TENM3: variants seen among roughly 807,000 people sequenced by gnomAD.
The protein encoded by TENM3 is teneurin-3.
TENM3 carries 63 observed loss-of-function variants against 255.1 expected under a neutral mutation model. The observed-to-expected ratio is 0.25, with a 90% confidence interval of 0.20 to 0.30. The LOEUF is 0.30. TENM3 is among the 10% of genes least tolerant of loss of function. The pLI, the probability that TENM3 is intolerant of heterozygous loss-of-function variation, is 1.00. For missense variants in TENM3, 2,929 were observed against 3,461.1 expected, an observed-to-expected ratio of 0.85 and a Z score of 3.86; for synonymous variants, 1,306 against 1,322.3, an observed-to-expected ratio of 0.99 and a Z score of 0.27.
At chr4:182,339,788 G>A (rs1516531) in intron 2 of TENM3, among the ~76,000 whole-genome samples, 1 of 152,074 alleles carries the variant, frequency 6.6e-6, no homozygotes, top group Non-Finnish European at 1.5e-5. Flanking sequence ...ACTGCAGTTC[G>A]ACTATCAGAT....
At chr4:181,603,453 A>C in the TENM3 span, among the ~76,000 whole-genome samples, 1 of 152,212 alleles carries the variant, frequency 6.6e-6, no homozygotes, top group African/African-American at 2.4e-5. Flanking sequence ...ATCAACAGTC[A>C]CATAAAAGAA....
At chr4:181,550,338 A>G in the TENM3 span, among the ~76,000 whole-genome samples, 1 of 152,364 alleles carries the variant, frequency 6.6e-6, no homozygotes, top group South Asian at 2.1e-4. Context: ...ACCTACCTAC[A>G]GCAAACAAGC....
intron 5 of TENM3, among the ~76,000 whole-genome samples, chr4:182,639,134 T>C (rs1303157233): frequency 6.6e-6 from 1 of 152,230 alleles, no homozygotes; most frequent in Non-Finnish European, 1.5e-5. Context: ...GAGTAAGAAG[T>C]AATATTTATC....
chr4:181,540,266 A>AAT, the TENM3 span, among the ~76,000 whole-genome samples: 1 of 152,206 alleles, frequency 6.6e-6, no homozygotes, highest in African/African-American at 2.4e-5. Flanking sequence ...TTATAATCCG[A>AAT]ATAACAAAAA....
the TENM3 span, among the ~76,000 whole-genome samples, chr4:182,080,337 T>C: frequency 6.6e-4 from 100 of 152,248 alleles, 1 homozygote; most frequent in Admixed American, 1.3e-3. Flanking sequence ...TTTCAAGACA[T>C]TGGAAGATAT....
At chr4:182,538,785 G>T (rs1304964058) in intron 3 of TENM3, among the ~76,000 whole-genome samples, 1 of 152,110 alleles carries the variant, frequency 6.6e-6, no homozygotes, top group Non-Finnish European at 1.5e-5. Context: ...GGAAAAGGAG[G>T]TTTCCAAGAT....
intron 3 of TENM3, among the ~76,000 whole-genome samples, chr4:182,376,275 T>A (rs1767173766): frequency 6.6e-6 from 1 of 152,208 alleles, no homozygotes; most frequent in Admixed American, 6.5e-5. Flanking sequence ...CAGGTCTTCA[T>A]TAGTAATATA....
At chr4:181,561,232 G>A in the TENM3 span, among the ~76,000 whole-genome samples, 1 of 152,168 alleles carries the variant, frequency 6.6e-6, no homozygotes, top group South Asian at 2.1e-4. Flanking sequence ...GGGATTACAG[G>A]TGTGAGCCAC....
chr4:181,583,129 A>ATTTAATTTTTTT, the TENM3 span, among the ~76,000 whole-genome samples: 709 of 8,854 alleles, frequency 0.08, 9 homozygotes, highest in African/African-American at 0.15. Context: ...CTTCTGTAGT[A>ATTTAATTTTTTT]TTTTTTTTTT....
chr4:181,761,477 C>A, the TENM3 span, among the ~76,000 whole-genome samples: 8 of 151,914 alleles, frequency 5.3e-5, no homozygotes, highest in African/African-American at 1.5e-4. Flanking sequence ...TTCTCTGAAG[C>A]CTTTATCATG....
the TENM3 span, among the ~76,000 whole-genome samples, chr4:181,714,150 T>G: frequency 0.68 from 103,325 of 152,126 alleles, 36,741 homozygotes; most frequent in East Asian, 0.83. Flanking sequence ...AAATTTTAAC[T>G]TGGGGCCAGG....
the TENM3 span, among the ~76,000 whole-genome samples, chr4:181,965,305 G>A: frequency 1.3e-5 from 2 of 152,264 alleles, no homozygotes; most frequent in African/African-American, 2.4e-5. Context: ...GACTTCTTGA[G>A]GAGAGAGTAT....
chr4:181,493,621 C>T, the TENM3 span, among the ~76,000 whole-genome samples: 1 of 152,106 alleles, frequency 6.6e-6, no homozygotes, highest in Admixed American at 6.6e-5. Flanking sequence ...GTGGTGCATG[C>T]CTGTAACCTC....
At chr4:181,466,145 T>G in the TENM3 span, among the ~76,000 whole-genome samples, 1 of 143,768 alleles carries the variant, frequency 7.0e-6, no homozygotes, top group Non-Finnish European at 1.5e-5. Context: ...GAGACGGAGT[T>G]TCTCTCTTGT....
intron 3 of TENM3, among the ~76,000 whole-genome samples, chr4:182,429,223 G>A (rs1241656130): frequency 6.6e-6 from 1 of 152,192 alleles, no homozygotes; most frequent in Non-Finnish European, 1.5e-5. Flanking sequence ...TATTGAATTA[G>A]AGAAGAATTT....
chr4:182,646,949 T>G (rs1581202460), intron 5 of TENM3, among the ~76,000 whole-genome samples: 1 of 152,074 alleles, frequency 6.6e-6, no homozygotes, highest in Admixed American at 6.6e-5. Context: ...TTGAAAGATA[T>G]CAGAATTAAG....
the TENM3 span, among the ~76,000 whole-genome samples, chr4:181,858,102 T>A: frequency 0.23 from 34,506 of 152,142 alleles, 4,206 homozygotes; most frequent in Middle Eastern, 0.3. Context: ...AATTTTGGCA[T>A]GTGTATATTA....
chr4:181,747,490 G>A, the TENM3 span, among the ~76,000 whole-genome samples: 1 of 152,098 alleles, frequency 6.6e-6, no homozygotes, highest in Admixed American at 6.5e-5. Flanking sequence ...ATCCAAGAAG[G>A]CCATATTGAC....
the TENM3 span, among the ~76,000 whole-genome samples, chr4:181,888,228 C>T: frequency 6.6e-6 from 1 of 151,270 alleles, no homozygotes; most frequent in South Asian, 2.1e-4. Flanking sequence ...CAGGGGTTTC[C>T]CCATGTTGGC....
Sources: allele counts gnomAD v4.1 joint callset (sites outside exome capture counted in the v4.1 genomes callset), GRCh38; gene constraint gnomAD v4.1.1; transcripts MANE v1.5; gene names NCBI Gene and HGNC (gene_info 2026-07-23, HGNC 2026-07-21).